MSANTD2: variants seen among roughly 807,000 people sequenced by gnomAD.
MSANTD2 encodes Myb/SANT DNA binding domain containing 2.
A neutral mutation model predicts 52.6 loss-of-function variants in MSANTD2; 19 were observed. The observed-to-expected ratio is 0.36, with a 90% CI of 0.25 to 0.53. MSANTD2 has a LOEUF of 0.53. Ranked by LOEUF, MSANTD2 falls within the 20% of genes least tolerant of loss-of-function variation. MSANTD2 has a pLI of 0.91. For synonymous variants in MSANTD2, 291 were observed against 289.7 expected (o/e 1.00, Z -0.04); for missense variants, 558 against 716.3 (o/e 0.78, Z 2.52).
chr11:124,785,452 T>G (rs1945127969), intron 1 of MSANTD2, among the ~76,000 whole-genome samples: 1 of 152,256 alleles, frequency 6.6e-6, no homozygotes, highest in African/African-American at 2.4e-5. Flanking sequence ...GAAGTTAAAG[T>G]AGAGTTGCAA....
At chr11:124,787,505 C>T (rs1015371402) in intron 1 of MSANTD2, among the ~76,000 whole-genome samples, 28 of 152,140 alleles carry the variant, frequency 1.8e-4, no homozygotes, top group African/African-American at 6.3e-4. Flanking sequence ...CTCAGCCTCC[C>T]GAGTAGCTGG....
At chr11:124,791,430 G>A (rs1295771123) in intron 1 of MSANTD2, 7 of 1,321,224 alleles carry the variant, frequency 5.3e-6, no homozygotes, top group South Asian at 4.7e-5. Flanking sequence ...TGAGTGAGAA[G>A]CACAGACTTC....
intron 1 of MSANTD2, among the ~76,000 whole-genome samples, chr11:124,783,294 T>G (rs1218650471): frequency 1.3e-5 from 2 of 152,132 alleles, no homozygotes; most frequent in East Asian, 1.9e-4. Flanking sequence ...CAATACTGCC[T>G]CCATGAGAAG....
At chr11:124,775,725 T>C (rs994662028) in intron 1 of MSANTD2, 2 of 152,252 alleles carry the variant, frequency 1.3e-5, no homozygotes, top group African/African-American at 4.8e-5. Context: ...GATTTCTTTC[T>C]GGGGAAAAGG....
intron 1 of MSANTD2, among the ~76,000 whole-genome samples, chr11:124,797,609 AG>A (rs1462880547): frequency 6.6e-6 from 1 of 152,240 alleles, no homozygotes; most frequent in Non-Finnish European, 1.5e-5. Context: ...TCATTCTGGC[AG>A]GAACACTCAA....
At position 124,792,482 on chromosome 11, in the gene MSANTD2, A is replaced by G. The variant is rs1329635529; in HGVS notation, c.510+7389T>C. ...ATATCTCATTATATTTGCAGTTGGCACTATTCTAGGTTATGCTGCCTCTGA... is the reference window on the plus strand; with the variant it reads ...ATATCTCATTATATTTGCAGTTGGCGCTATTCTAGGTTATGCTGCCTCTGA... On this transcript the variant is annotated intron_variant, in intron 1 of 3. Coordinates refer to ENST00000374979, the MANE Select transcript of MSANTD2 (RefSeq NM_001308027.2). 6 of 152,216 alleles carry G rather than the reference A, an allele frequency of 3.9e-5. No homozygotes were observed. In the East Asian group the frequency reaches 1.2e-3, roughly 29 times the overall value. The allele number at this position is 152,216 out of a possible 1,614,324, so 9.4% of individuals were successfully genotyped here. A position where few individuals can be genotyped will look rare whatever the true frequency, so the allele number is the denominator to read the frequency against.
At chr11:124,783,613 C>G in intron 1 of MSANTD2, 6 of 594,752 alleles carry the variant, frequency 1.0e-5, no homozygotes, top group Non-Finnish European at 1.3e-5. Context: ...GAGTGAGACT[C>G]TGTCTCAAAA....
At chr11:124,772,195 GCTTT>G (rs1172101500) in intron 3 of MSANTD2, among the ~76,000 whole-genome samples, 1 of 152,142 alleles carries the variant, frequency 6.6e-6, no homozygotes, top group Admixed American at 6.5e-5. Context: ...TCATCTAAGA[GCTTT>G]CTTTTTGATT....
At chr11:124,772,772 A>G (rs1201924167) in intron 3 of MSANTD2, among the ~76,000 whole-genome samples, 1 of 147,148 alleles carries the variant, frequency 6.8e-6, no homozygotes, top group Non-Finnish European at 1.5e-5. Flanking sequence ...AAAAAAAAAG[A>G]ACGTATAGAC....
chr11:124,788,519 T>C (rs959914206), intron 1 of MSANTD2, among the ~76,000 whole-genome samples: 5 of 152,214 alleles, frequency 3.3e-5, no homozygotes, highest in African/African-American at 1.2e-4. Context: ...TTATATTACT[T>C]ACATAAGGAA....
At chr11:124,785,593 G>A (rs565016282) in intron 1 of MSANTD2, among the ~76,000 whole-genome samples, 2 of 152,202 alleles carry the variant, frequency 1.3e-5, no homozygotes, top group Admixed American at 1.3e-4. Flanking sequence ...TGCCACCAGA[G>A]AGTGGGGGGC....
At position 124,767,073 on chromosome 11, in the gene MSANTD2, A is replaced by G. The variant is rs1944327361; in HGVS notation, c.*103T>C. 1 of 1,191,562 alleles carries G rather than the reference A, an allele frequency of 8.4e-7. No individual in the cohort carries two copies. Among genetic ancestry groups the G allele is most frequent in the Non-Finnish European group, 1.2e-6 (1 of 845,094 alleles). 73.8% of individuals were successfully genotyped at this position (1,191,562 alleles called of 1,614,324 possible). A position where few individuals can be genotyped will look rare whatever the true frequency, so the allele number is the denominator to read the frequency against. The stretch of plus-strand genomic sequence containing the variant: ...TGGCCCAATTGAAGAAAGGGTTTCC[A>G]TGAAGAGTCTGACGGCGGCATCTGG... On this transcript the variant is annotated 3_prime_UTR_variant, in exon 4 of 4. Transcript: ENST00000374979. The surrounding 1 kb of genome is among the most constrained non-coding windows in gnomAD (Gnocchi z 6.5).
Position 124,774,740 on chromosome 11 carries a change from A to C in MSANTD2, c.745T>G (p.Tyr249Asp). 1.9e-6 allele frequency: 3 copies of C among 1,614,150 alleles called. No homozygotes were observed. Among genetic ancestry groups the C allele is most frequent in the Non-Finnish European group, 2.5e-6 (3 of 1,180,006 alleles). The change falls in exon 2 of 4, where the codon TAT becomes GAT. Residue 249 changes from tyrosine to aspartate, a missense_variant. Transcript: ENST00000374979. The surrounding 1 kb of genome is among the most constrained non-coding windows in gnomAD (Gnocchi z 5.1). ...TTACCCAATTCCTGATCTGTTGGAT[A>C]GCCATGGAGATCCTGACTGTGGTTT... ...WGNHSQDLHGYPTDQELDEIP... is the reference protein window; with the variant it reads ...WGNHSQDLHGDPTDQELDEIP...
chr11:124,774,736 G>C lies in MSANTD2; in HGVS notation c.749C>G (p.Pro250Arg). 6.2e-7 allele frequency: 1 copy of C among 1,614,084 alleles called. No individual in the cohort carries two copies. The highest frequency in any genetic ancestry group is 1.1e-5 in the South Asian group (1 of 91,072). The part of the protein sequence containing the change: ...GNHSQDLHGY[P>R]TDQELDEIPV... ...TTTCTTACCCAATTCCTGATCTGTTGGATAGCCATGGAGATCCTGACTGTG... is the reference window on the plus strand; with the variant it reads ...TTTCTTACCCAATTCCTGATCTGTTCGATAGCCATGGAGATCCTGACTGTG... Residue 250 changes from proline (P) to arginine (R), a missense_variant, in exon 2 of 4, where the codon CCA (proline) becomes CGA (arginine). By Grantham distance (103) the Pro-to-Arg change is moderately radical. Coordinates refer to ENST00000374979, the MANE Select transcript of MSANTD2 (RefSeq NM_001308027.2). This position sits in a 1 kb window ranked among gnomAD's most constrained non-coding sequence, Gnocchi z 5.1.
At chr11:124,797,275 A>G (rs933834979) in intron 1 of MSANTD2, among the ~76,000 whole-genome samples, 2 of 152,186 alleles carry the variant, frequency 1.3e-5, no homozygotes, top group African/African-American at 4.8e-5. Flanking sequence ...GCTTGATTCT[A>G]GGAGTTTGAG....
intron 1 of MSANTD2, chr11:124,791,944 ATTAAG>A (rs1275356872): frequency 1.2e-5 from 3 of 250,700 alleles, no homozygotes; most frequent in Admixed American, 5.1e-5. Flanking sequence ...CATTATGTGG[ATTAAG>A]TTAATATTTA....
chr11:124,800,339 C>T lies in MSANTD2; in HGVS notation c.42G>A (p.Pro14=). The stretch of plus-strand genomic sequence containing the variant: ...GCACCTCCATCTTCGGAATTTTTAG[C>T]GGCGAGTTGGCGGGCAGCTCCGAGC... ...PCGSELPANS[P]LKIPKMEVLS... The change falls in exon 1 of 4, where the codon CCG becomes CCA. Residue 14 remains proline, a synonymous_variant. Transcript: ENST00000374979. This position sits in a 1 kb window ranked among gnomAD's most constrained non-coding sequence, Gnocchi z 4.3. 2 of 1,555,354 alleles carry T rather than the reference C, an allele frequency of 1.3e-6. No homozygotes were observed. The highest frequency in any genetic ancestry group is 1.2e-5 in the South Asian group (1 of 84,786).
At chr11:124,775,626 A>G (rs1944712858) in intron 1 of MSANTD2, 1 of 152,442 alleles carries the variant, frequency 6.6e-6, no homozygotes, top group South Asian at 2.1e-4. Context: ...GAAACAGTAC[A>G]CTAATACCTA....
intron 1 of MSANTD2, chr11:124,792,897 T>C (rs1945376165): frequency 1.3e-5 from 2 of 152,218 alleles, no homozygotes; most frequent in Admixed American, 6.5e-5. Flanking sequence ...ACCTGAACTT[T>C]AGCCAAAAGT....
Sources: allele counts gnomAD v4.1 joint callset (sites outside exome capture counted in the v4.1 genomes callset), GRCh38; gene constraint gnomAD v4.1.1; non-coding constraint Gnocchi (gnomAD v3.1); transcripts MANE v1.5; gene names NCBI Gene and HGNC (gene_info 2026-07-23, HGNC 2026-07-21).